The following NOXA1 variants were observed in gnomAD, a reference collection of about 807,000 sequenced individuals.
NOXA1 encodes NCF2-like protein.
In NOXA1, 56 loss-of-function variants were observed where a neutral mutation model predicts 64.8. The ratio of observed to expected loss-of-function variants is 0.86; its 90% CI spans 0.70 to 1.08. The LOEUF is 1.08. NOXA1 is among the 50% of genes least tolerant of loss of function. The probability of loss-of-function intolerance (pLI) is 0.00; values close to 1 mark genes in which losing one functional copy is unlikely to be tolerated. For missense variants in NOXA1, 668 were observed against 658.5 expected (o/e 1.01, Z -0.16); for synonymous variants, 295 against 294.8 (o/e 1.00, Z -0.01).
chr9:137,430,920 G>A, intron 6 of NOXA1, 77 bp downstream of exon 6: 11 of 1,552,140 alleles, frequency 7.1e-6, no homozygotes, highest in Non-Finnish European at 9.6e-6. Flanking sequence ...CAAGCTCTGA[G>A]CCCTCCTGGG....
rs781236655 is a variant in NOXA1, at chr9:137,423,691, C to A, written c.162C>A (p.Pro54=). Residue 54 remains proline, a synonymous_variant, in exon 1 of 14, where the codon CCC becomes CCA. Coordinates refer to ENST00000683555, the MANE Select transcript of NOXA1 (RefSeq NM_001256067.2). ...GCGTGCACCTGCTGGCCGGGGACCC[C>A]GAGGCCGCGCTGCGGGTGAGCGGGG... ...AGCVHLLAGD[P]EAALRAFDQA... 3.0e-6 allele frequency: 4 copies of A among 1,329,806 alleles called. No homozygotes were observed. Among genetic ancestry groups the A allele is most frequent in the South Asian group, 1.9e-5 (1 of 52,898 alleles). 82.4% of individuals were successfully genotyped at this position (1,329,806 alleles called of 1,614,324 possible). A position where few individuals can be genotyped will look rare whatever the true frequency, so the allele number is the denominator to read the frequency against.
chr9:137,427,427 C>G (rs1838886253), intron 2 of NOXA1, among the ~76,000 whole-genome samples: 1 of 152,238 alleles, frequency 6.6e-6, no homozygotes, highest in Non-Finnish European at 1.5e-5. Context: ...ACGCAGTCGC[C>G]CAGAGAGCCC....
rs1389171749 is a variant in NOXA1 at position 137,434,320 on chromosome 9, C to G, written c.1391C>G (p.Pro464Arg). 1.2e-6 allele frequency: 2 copies of G among 1,608,730 alleles called. 1 individual carries two copies. ...GCCGGCCCTCGGATGTCAGGAGCCC[C>G]CGGCCGCCTGCCCCGATCCCAGCAG... Reference protein sequence around the residue: ...VPAGPRMSGAPGRLPRSQQGD... With the variant: ...VPAGPRMSGARGRLPRSQQGD... The change falls in exon 14 of 14, where the codon CCC becomes CGC. Residue 464 changes from proline to arginine, a missense_variant. By Grantham distance (103) the Pro-to-Arg change is moderately radical (BLOSUM62 -2). Transcript: ENST00000683555.
Position 137,428,914 on chromosome 9 carries a change from G to C in NOXA1, c.402G>C (p.Gln134His). The change falls in exon 4 of 14, where the codon CAG becomes CAC. Residue 134 changes from glutamine to histidine, a missense_variant. Gln to His is a conservative substitution (Grantham distance 24). Coordinates refer to ENST00000683555, the MANE Select transcript of NOXA1 (RefSeq NM_001256067.2). ...VLHNVASAQCQLGLWTEAASS... is the reference protein window; with the variant it reads ...VLHNVASAQCHLGLWTEAASS... ...ACAATGTGGCGTCGGCACAGTGCCA[G>C]CTGGGGCTCTGGACAGAGGCGGCCA... 1 of 1,593,628 alleles carries C rather than the reference G, an allele frequency of 6.3e-7. No individual in the cohort carries two copies. The highest frequency in any genetic ancestry group is 8.5e-7 in the Non-Finnish European group (1 of 1,171,236).
rs1178213236 is a variant in NOXA1, at chr9:137,423,438, C to G, written c.-92C>G. On this transcript the variant is annotated 5_prime_UTR_variant, in exon 1 of 14. Transcript: ENST00000683555. ...TTGGCGCCCGCACCTCTGCCCGCCT[C>G]GGAGACCCCGCAGCCCCGCGCCGCC... The G allele has an allele frequency of 8.1e-6, 7 of 863,796 alleles. No individual in the cohort carries two copies. The highest frequency in any genetic ancestry group is 9.0e-6 in the Non-Finnish European group (6 of 669,754). 53.5% of individuals were successfully genotyped at this position (863,796 alleles called of 1,614,324 possible).
At position 137,433,239 on chromosome 9, in the gene NOXA1, C is replaced by A; in HGVS notation, c.885C>A (p.Pro295=). 6.2e-7 allele frequency: 1 copy of A among 1,600,024 alleles called. No individual in the cohort carries two copies. Among genetic ancestry groups the A allele is most frequent in the East Asian group, 2.2e-5 (1 of 44,526 alleles). ...LPAMGGPGPG[P]CEDPAGAGGA... is the part of the protein sequence containing the mutation. ...CAATGGGGGGGCCTGGCCCCGGCCC[C>A]TGTGAGGACCCCGCGGGTGCTGGGG... Residue 295 remains proline (P), a synonymous_variant, in exon 10 of 14, where the codon CCC becomes CCA. Coordinates refer to ENST00000683555, the MANE Select transcript of NOXA1 (RefSeq NM_001256067.2).
Position 137,432,926 on chromosome 9 carries a change from G to T in NOXA1, c.805-103G>T, listed in dbSNP as rs1839176329. 3.1e-6 allele frequency: 4 copies of T among 1,304,430 alleles called. No homozygotes were observed. The Admixed American group carries it at 7.8e-5, about 26-fold the overall frequency. The allele number at this position is 1,304,430 out of a possible 1,614,324, so 80.8% of individuals were successfully genotyped here. ...ACCCACAGACCACCTGCTGGGTGCT[G>T]GCCGGGCACACAGGCCACACCCTTG... On this transcript the variant is annotated intron_variant, in intron 8 of 13. Coordinates refer to ENST00000683555, the MANE Select transcript of NOXA1 (RefSeq NM_001256067.2).
chr9:137,429,336 T>A lies in NOXA1; in HGVS notation c.565T>A (p.Trp189Arg). ...GGGCGAGGTCTTCCGGCCCCACCGGTGGCACCTGAAGCACTTGGAGCCCGT... is the reference window on the plus strand; with the variant it reads ...GGGCGAGGTCTTCCGGCCCCACCGGAGGCACCTGAAGCACTTGGAGCCCGT... ...PRGEVFRPHR[W>R]HLKHLEPVDF... Residue 189 changes from tryptophan (W) to arginine (R), a missense_variant, in exon 5 of 14, where the codon TGG becomes AGG. Transcript: ENST00000683555. The A allele has an allele frequency of 1.9e-6, 3 of 1,584,280 alleles. No homozygotes were observed. Among genetic ancestry groups the A allele is most frequent in the Non-Finnish European group, 2.6e-6 (3 of 1,166,740 alleles).
intron 1 of NOXA1, among the ~76,000 whole-genome samples, chr9:137,424,306 G>T (rs7029543): frequency 6.6e-6 from 1 of 152,258 alleles, no homozygotes; most frequent in African/African-American, 2.4e-5. Context: ...ACTGCGCGCT[G>T]TGGGAGGGTC....
chr9:137,423,452 C>A lies in NOXA1; in HGVS notation c.-78C>A, dbSNP rs1372338517. 3 of 1,001,274 alleles carry A rather than the reference C, an allele frequency of 3.0e-6. No individual in the cohort carries two copies. Among genetic ancestry groups the A allele is most frequent in the Non-Finnish European group, 3.8e-6 (3 of 790,564 alleles). 62.0% of individuals were successfully genotyped at this position (1,001,274 alleles called of 1,614,324 possible). ...TCTGCCCGCCTCGGAGACCCCGCAG[C>A]CCCGCGCCGCCGCCTGGCCCCGGCC... is the stretch of plus-strand genomic sequence containing the variant. On this transcript the variant is annotated 5_prime_UTR_variant, in exon 1 of 14. Transcript: ENST00000683555.
At chr9:137,425,525 A>C (rs1014367914) in intron 1 of NOXA1, among the ~76,000 whole-genome samples, 20 of 152,278 alleles carry the variant, frequency 1.3e-4, no homozygotes, top group African/African-American at 4.8e-4. Context: ...AGCTGGGACT[A>C]CAGGCGCGTG....
chr9:137,431,231 C>T lies in NOXA1; in HGVS notation c.699-5C>T. On this transcript the variant is annotated splice_region_variant and splice_polypyrimidine_tract_variant and intron_variant, in intron 7 of 13. Transcript: ENST00000683555. The surrounding 1 kb of genome is among the most constrained non-coding windows in gnomAD (Gnocchi z 5.6). ...AGGGCCTGAGAGCCTCCCTCCTCTC[C>T]CTAGGTCCCTAATCATGGACTCCCC... 6.2e-7 allele frequency: 1 copy of T among 1,611,966 alleles called. No individual in the cohort carries two copies. The highest frequency in any genetic ancestry group is 1.3e-5 in the African/African-American group (1 of 75,060).
chr9:137,430,406 C>T (rs1039022793), intron 5 of NOXA1, among the ~76,000 whole-genome samples: 1 of 152,196 alleles, frequency 6.6e-6, no homozygotes, highest in Non-Finnish European at 1.5e-5. Flanking sequence ...GCCACGCCCC[C>T]TCGGTCACCT....
At position 137,431,189 on chromosome 9, in the gene NOXA1, A is replaced by G; in HGVS notation, c.699-47A>G. On this transcript the variant is annotated intron_variant, in intron 7 of 13. Transcript: ENST00000683555. This position sits in a 1 kb window ranked among gnomAD's most constrained non-coding sequence, Gnocchi z 5.6. The stretch of plus-strand genomic sequence containing the variant: ...TGGGGCCACGCGGGCCGGGCACAGG[A>G]GGGCAGTCAGATGGGCAGGGCCTGA... 6.2e-7 allele frequency: 1 copy of G among 1,609,494 alleles called. No individual in the cohort carries two copies. Among genetic ancestry groups the G allele is most frequent in the Non-Finnish European group, 8.5e-7 (1 of 1,177,398 alleles).
rs1256435126 is a variant in NOXA1 at position 137,431,896 on chromosome 9, C to T, written c.804+555C>T. Among the ~76,000 whole-genome samples the T allele has an allele frequency of 1.3e-5, 2 of 152,206 alleles. No individual in the cohort carries two copies. Among genetic ancestry groups the T allele is most frequent in the Non-Finnish European group, 2.9e-5 (2 of 68,038 alleles). On this transcript the variant is annotated intron_variant, in intron 8 of 13. Coordinates refer to ENST00000683555, the MANE Select transcript of NOXA1 (RefSeq NM_001256067.2). The surrounding 1 kb of genome is among the most constrained non-coding windows in gnomAD (Gnocchi z 5.6). ...AGGCCCAGAGAAGGCACCTGCATTT[C>T]ACGCTGAGCGCATCTGAGGATGCGA... is the stretch of plus-strand genomic sequence containing the variant.
At chr9:137,434,137 T>C in intron 13 of NOXA1, 58 bp downstream of exon 13, 1 of 1,581,002 alleles carries the variant, frequency 6.3e-7, no homozygotes. Context: ...GTGGGGGGCT[T>C]AGAGCTCGGC....
intron 6 of NOXA1, 59 bp downstream of exon 6, chr9:137,430,902 A>G: frequency 6.5e-7 from 1 of 1,547,048 alleles, no homozygotes; most frequent in Non-Finnish European, 8.7e-7. Context: ...GGGAAAGAAA[A>G]TGCTGCACAA....
intron 5 of NOXA1, among the ~76,000 whole-genome samples, chr9:137,429,935 C>CG (rs1374006795): frequency 8.5e-5 from 9 of 106,496 alleles, no homozygotes; most frequent in African/African-American, 3.2e-4. Context: ...GCGAGGTCCC[C>CG]GGGGGGGTGC....
rs562317199 is a variant in NOXA1 at position 137,431,549 on chromosome 9, G to A, written c.804+208G>A. 6.6e-6 allele frequency among the ~76,000 whole-genome samples: 1 copy of A among 152,318 alleles called. No homozygotes were observed. Among genetic ancestry groups the A allele is most frequent in the African/African-American group, 2.4e-5 (1 of 41,578 alleles). On this transcript the variant is annotated intron_variant, in intron 8 of 13. Transcript: ENST00000683555. This position sits in a 1 kb window ranked among gnomAD's most constrained non-coding sequence, Gnocchi z 5.6. ...GAGGCGAGTGGGCATTGGCCATCAG[G>A]ACAGGAGAGAGGTGGTGTCCAGTGG...
Sources: allele counts gnomAD v4.1 joint callset (sites outside exome capture counted in the v4.1 genomes callset), GRCh38; gene constraint gnomAD v4.1.1; non-coding constraint Gnocchi (gnomAD v3.1); transcripts MANE v1.5; gene names NCBI Gene and HGNC (gene_info 2026-07-23, HGNC 2026-07-21).